Variants in TOP2B observed in about 807,000 individuals in gnomAD.
TOP2B encodes DNA topoisomerase 2-beta.
A neutral mutation model predicts 193.5 loss-of-function variants in TOP2B; 51 were observed. The observed-to-expected ratio is 0.26, with a 90% confidence interval of 0.21 to 0.33. The LOEUF is 0.33. Among genes scored for constraint, TOP2B ranks in the 10% least tolerant of loss-of-function variants. The pLI, the probability that TOP2B is intolerant of heterozygous loss-of-function variation, is 1.00. For synonymous variants in TOP2B, 634 were observed against 635.7 expected (o/e 1.00, Z 0.04); for missense variants, 1,378 against 1,909.3 (o/e 0.72, Z 5.19).
chr3:25,641,677 G>A (rs1559505368), intron 4 of TOP2B, among the ~76,000 whole-genome samples: 1 of 151,962 alleles, frequency 6.6e-6, no homozygotes, highest in Non-Finnish European at 1.5e-5. Context: ...TTACTAGTAA[G>A]ACTATACCTG....
chr3:25,612,107 A>G (rs1009365760), intron 28 of TOP2B, among the ~76,000 whole-genome samples: 2 of 151,544 alleles, frequency 1.3e-5, no homozygotes, highest in African/African-American at 4.9e-5. Flanking sequence ...ACGCCCAGCT[A>G]ATTTTTTGTA....
At position 25,637,328 on chromosome 3, in the gene TOP2B, A is replaced by T; in HGVS notation, c.542-16T>A. 1 of 1,522,278 alleles carries T rather than the reference A, an allele frequency of 6.6e-7. No homozygotes were observed. Among genetic ancestry groups the T allele is most frequent in the Non-Finnish European group, 8.9e-7 (1 of 1,124,816 alleles). The allele number at this position is 1,522,278 out of a possible 1,614,324, so 94.3% of individuals were successfully genotyped here. A position where few individuals can be genotyped will look rare whatever the true frequency, so the allele number is the denominator to read the frequency against. ...TTACGACCACCTGTAAGAAAAATTA[A>T]ATGTAAAAGGTTTAGTAAAAATGAT... On this transcript the variant is annotated splice_polypyrimidine_tract_variant and intron_variant, in intron 5 of 35. Transcript: ENST00000264331.
At chr3:25,614,763 T>A (rs1702462471) in intron 27 of TOP2B, among the ~76,000 whole-genome samples, 1 of 152,074 alleles carries the variant, frequency 6.6e-6, no homozygotes, top group Non-Finnish European at 1.5e-5. Flanking sequence ...TCTACATTTT[T>A]TTTATTTTTT....
intron 10 of TOP2B, among the ~76,000 whole-genome samples, chr3:25,631,959 T>C (rs1260697519): frequency 6.6e-6 from 1 of 152,108 alleles, no homozygotes; most frequent in Admixed American, 6.6e-5. Flanking sequence ...ATCTCCATTA[T>C]TTATTTGTGC....
At chr3:25,653,212 A>C (rs1703644580) in intron 1 of TOP2B, among the ~76,000 whole-genome samples, 1 of 152,218 alleles carries the variant, frequency 6.6e-6, no homozygotes, top group Non-Finnish European at 1.5e-5. Context: ...TAATCAAAGA[A>C]GAATTAACTC....
chr3:25,660,201 TG>T (rs1703868703), intron 1 of TOP2B, among the ~76,000 whole-genome samples: 1 of 152,194 alleles, frequency 6.6e-6, no homozygotes, highest in South Asian at 2.1e-4. Context: ...CTTAAACTCT[TG>T]TCCTACTAAT....
intron 1 of TOP2B, among the ~76,000 whole-genome samples, chr3:25,653,379 T>C (rs1703651038): frequency 6.6e-6 from 1 of 151,608 alleles, no homozygotes; most frequent in Non-Finnish European, 1.5e-5. Flanking sequence ...CCAAAAATAC[T>C]GGCAAACTCA....
chr3:25,628,690 T>A (rs542058585), intron 15 of TOP2B, among the ~76,000 whole-genome samples, 157 bp downstream of exon 15: 3 of 152,004 alleles, frequency 2.0e-5, no homozygotes, highest in Admixed American at 2.0e-4. Flanking sequence ...TATTACACTA[T>A]TCTACTTGCA....
At chr3:25,644,644 C>G (rs1297389998) in intron 2 of TOP2B, among the ~76,000 whole-genome samples, 1 of 139,248 alleles carries the variant, frequency 7.2e-6, no homozygotes, top group African/African-American at 2.7e-5. Flanking sequence ...GAGGTTGCAC[C>G]GAGCCAAGAT....
At chr3:25,614,417 A>G (rs1344387719) in intron 27 of TOP2B, among the ~76,000 whole-genome samples, 5 of 152,126 alleles carry the variant, frequency 3.3e-5, no homozygotes, top group African/African-American at 4.8e-5. Context: ...TAATTAATGA[A>G]CAATATACGG....
In TOP2B at chr3:25,620,757, T is replaced by A; in HGVS notation, c.2787A>T (p.Ala929=). 1 of 1,613,554 alleles carries A rather than the reference T, an allele frequency of 6.2e-7. No homozygotes were observed. Among genetic ancestry groups the A allele is most frequent in the Non-Finnish European group, 8.5e-7 (1 of 1,179,660 alleles). ...TIQELGQNQY[A]VSGEIFVVDR... ...CCACTACAAATATTTCACCACTGACTGCATACTGGTTTTGACCAAGTTCTT... is the reference window on the plus strand; with the variant it reads ...CCACTACAAATATTTCACCACTGACAGCATACTGGTTTTGACCAAGTTCTT... Residue 929 remains alanine (A), a synonymous_variant, in exon 22 of 36, where the codon GCA becomes GCT. Transcript: ENST00000264331.
At chr3:25,642,005 T>C (rs994032905) in intron 4 of TOP2B, among the ~76,000 whole-genome samples, 5 of 152,004 alleles carry the variant, frequency 3.3e-5, no homozygotes, top group African/African-American at 7.2e-5. Flanking sequence ...AAGTATAATA[T>C]AACTGGAATC....
chr3:25,615,621 G>A (rs1299771322), intron 25 of TOP2B, 35 bp from the exon 26 acceptor site: 4 of 1,408,774 alleles, frequency 2.8e-6, no homozygotes, highest in Non-Finnish European at 3.7e-6. Context: ...TTAAAGTCTT[G>A]TATAGTATCA....
intron 1 of TOP2B, among the ~76,000 whole-genome samples, chr3:25,651,592 G>A (rs1703591369): frequency 6.6e-6 from 1 of 152,106 alleles, no homozygotes; most frequent in Admixed American, 6.6e-5. Flanking sequence ...TGGGCCAGGA[G>A]CGGTGGCTCA....
At chr3:25,607,436 T>A in intron 30 of TOP2B, 61 bp from the exon 31 acceptor site, 1 of 1,489,702 alleles carries the variant, frequency 6.7e-7, no homozygotes, top group Non-Finnish European at 9.0e-7. Context: ...ACATGAATTA[T>A]TATTACTGAT....
intron 21 of TOP2B, among the ~76,000 whole-genome samples, chr3:25,621,573 C>G (rs1170220931): frequency 6.6e-6 from 1 of 152,018 alleles, no homozygotes; most frequent in Admixed American, 6.5e-5. Context: ...GTTGCCCAGG[C>G]TGGTCTTCAA....
At chr3:25,642,493 T>C (rs1475578207) in intron 3 of TOP2B, 108 bp from the exon 4 acceptor site, 8 of 537,030 alleles carry the variant, frequency 1.5e-5, no homozygotes, top group East Asian at 3.2e-5. Context: ...CATATGGTAA[T>C]AGTTAATGAA....
chr3:25,599,234 T>C (rs561343197), intron 35 of TOP2B, among the ~76,000 whole-genome samples: 1 of 152,348 alleles, frequency 6.6e-6, no homozygotes, highest in Non-Finnish European at 1.5e-5. Flanking sequence ...AGTAGGTTAA[T>C]TTATAGCACA....
intron 5 of TOP2B, among the ~76,000 whole-genome samples, chr3:25,637,689 A>C (rs180940155): frequency 8.5e-5 from 13 of 152,128 alleles, no homozygotes; most frequent in African/African-American, 3.1e-4. Flanking sequence ...TTGGTTTAAA[A>C]AGCAAAACAA....
Sources: gnomAD v4.1 joint callset for allele counts (sites outside exome capture counted in the v4.1 genomes callset) on GRCh38, gnomAD v4.1.1 for gene constraint, MANE v1.5 for transcripts, NCBI Gene and HGNC (gene_info 2026-07-23, HGNC 2026-07-21) for gene names.